The following ABCC9 variants were observed in gnomAD, a reference collection of about 807,000 sequenced individuals.
ABCC9 encodes the protein ATP-binding cassette sub-family C member 9.
Under a neutral mutation model 188.3 loss-of-function variants are expected in ABCC9, and 95 were observed. That is an observed-to-expected ratio of 0.50 (90% CI 0.43 to 0.60). The LOEUF is 0.60. Ranked by LOEUF, ABCC9 falls within the 20% of genes least tolerant of loss-of-function variation. The probability of loss-of-function intolerance (pLI) is 0.00; values close to 1 mark genes in which losing one functional copy is unlikely to be tolerated. For missense variants in ABCC9, 1,102 were observed against 1,876.3 expected, an observed-to-expected ratio of 0.59 and a Z score of 7.62; for synonymous variants, 659 against 652.7, an observed-to-expected ratio of 1.01 and a Z score of -0.15.
intron 15 of ABCC9, 118 bp downstream of exon 15, chr12:21,887,708 C>T: frequency 5.4e-6 from 4 of 738,728 alleles, no homozygotes. Context: ...CGTGATTTTT[C>T]TTCACATGGG....
Position 21,798,810 on chromosome 12 carries a change from C to G in ABCC9, c.*2234G>C, listed in dbSNP as rs1456676100. The G allele has an allele frequency of 6.9e-6, 1 of 144,878 alleles. No homozygotes were observed. Among genetic ancestry groups the G allele is most frequent in the Non-Finnish European group, 1.5e-5 (1 of 65,874 alleles). The allele number at this position is 144,878 out of a possible 1,614,324, so 9.0% of individuals were successfully genotyped here. On this transcript the variant is annotated 3_prime_UTR_variant, in exon 40 of 40. Transcript: ENST00000261200. ...GACACATGCACACGTATGTTTATTG[C>G]GGCATTATTCACAATAGCAAAGACT...
intron 15 of ABCC9, among the ~76,000 whole-genome samples, chr12:21,883,806 T>A (rs1946746801): frequency 1.3e-5 from 2 of 152,142 alleles, no homozygotes; most frequent in Non-Finnish European, 2.9e-5. Flanking sequence ...ATCTCAAATG[T>A]TATAGCCCTA....
intron 24 of ABCC9, among the ~76,000 whole-genome samples, chr12:21,849,188 A>G (rs1408123327): frequency 4.6e-5 from 7 of 152,152 alleles, no homozygotes; most frequent in African/African-American, 1.7e-4. Flanking sequence ...CAAAGAAAAA[A>G]AAACCTACAC....
intron 28 of ABCC9, among the ~76,000 whole-genome samples, chr12:21,843,616 T>C (rs954198979): frequency 6.6e-6 from 1 of 152,226 alleles, no homozygotes; most frequent in Non-Finnish European, 1.5e-5. Flanking sequence ...CTTATGTAGA[T>C]ACTCTGCTGA....
intron 17 of ABCC9, 129 bp downstream of exon 17, chr12:21,875,525 A>C (rs1024758961): frequency 1.4e-6 from 1 of 692,602 alleles, no homozygotes; most frequent in Non-Finnish European, 2.5e-6. Context: ...CAAGCACAAT[A>C]GTGCAAATAG....
chr12:21,833,993 A>C (rs1196504554), intron 30 of ABCC9, among the ~76,000 whole-genome samples: 2 of 152,166 alleles, frequency 1.3e-5, no homozygotes, highest in Non-Finnish European at 2.9e-5. Flanking sequence ...TCTTTCAAAA[A>C]GTAGTTTTTC....
chr12:21,856,159 ATT>A (rs752325045), intron 22 of ABCC9, among the ~76,000 whole-genome samples: 36 of 152,062 alleles, frequency 2.4e-4, no homozygotes, highest in Non-Finnish European at 4.1e-4. Flanking sequence ...GGGATTTGTG[ATT>A]TTTTTTGTCA....
intron 3 of ABCC9, among the ~76,000 whole-genome samples, chr12:21,936,185 C>T (rs1246139179): frequency 6.6e-6 from 1 of 152,104 alleles, no homozygotes; most frequent in South Asian, 2.1e-4. Flanking sequence ...TGGACTATTC[C>T]CTGAAGGCAA....
chr12:21,915,035 G>C (rs905070401), intron 7 of ABCC9, among the ~76,000 whole-genome samples: 11 of 151,572 alleles, frequency 7.3e-5, no homozygotes, highest in African/African-American at 2.7e-4. Context: ...CAAGTAGCTG[G>C]GATTACAGGC....
At position 21,913,083 on chromosome 12, in the gene ABCC9, G is replaced by C; in HGVS notation, c.817-17C>G. Reference sequence around the variant, plus strand: ...AACTTTTTTCTGAAGAAAAAAAAAAGAAAAAAAAAACAGATGTAACAAAAT... The same window carrying C: ...AACTTTTTTCTGAAGAAAAAAAAAACAAAAAAAAAACAGATGTAACAAAAT... On this transcript the variant is annotated splice_polypyrimidine_tract_variant and intron_variant, in intron 7 of 39. Transcript: ENST00000261200. The C allele has an allele frequency of 1.5e-6, 2 of 1,328,138 alleles. No individual in the cohort carries two copies. The highest frequency in any genetic ancestry group is 2.0e-6 in the Non-Finnish European group (2 of 981,470). 82.3% of individuals were successfully genotyped at this position (1,328,138 alleles called of 1,614,324 possible). A position where few individuals can be genotyped will look rare whatever the true frequency, so the allele number is the denominator to read the frequency against.
chr12:21,905,496 C>T (rs1015692700), intron 12 of ABCC9, among the ~76,000 whole-genome samples: 5 of 151,434 alleles, frequency 3.3e-5, no homozygotes, highest in Non-Finnish European at 1.5e-5. Context: ...ATGGAAACAC[C>T]ACTACTAAAA....
At chr12:21,843,683 C>A (rs774751729) in intron 28 of ABCC9, among the ~76,000 whole-genome samples, 2 of 152,132 alleles carry the variant, frequency 1.3e-5, no homozygotes, top group Non-Finnish European at 1.5e-5. Flanking sequence ...ACAATCATGT[C>A]ATCTTCTAAA....
At chr12:21,893,870 G>T (rs1034640671) in intron 14 of ABCC9, among the ~76,000 whole-genome samples, 162 bp downstream of exon 14, 9 of 152,074 alleles carry the variant, frequency 5.9e-5, no homozygotes, top group Admixed American at 4.6e-4. Flanking sequence ...ATTTTTACAT[G>T]AAATAAATAA....
chr12:21,869,065 C>A (rs1372195794), intron 18 of ABCC9, among the ~76,000 whole-genome samples: 1 of 152,070 alleles, frequency 6.6e-6, no homozygotes, highest in Non-Finnish European at 1.5e-5. Flanking sequence ...TTAACTTATT[C>A]AATCTATTAG....
intron 39 of ABCC9, chr12:21,805,262 T>A: frequency 6.2e-7 from 1 of 1,613,670 alleles, no homozygotes; most frequent in Non-Finnish European, 8.5e-7. Context: ...TAAAATACCC[T>A]CAGAAAAGAC....
intron 20 of ABCC9, among the ~76,000 whole-genome samples, chr12:21,862,206 G>T (rs1451784590): frequency 4.0e-5 from 6 of 151,766 alleles, no homozygotes; most frequent in Non-Finnish European, 8.8e-5. Flanking sequence ...ACTCCTAAAT[G>T]TCTCCATATA....
chr12:21,875,598 A>G, intron 17 of ABCC9, 56 bp downstream of exon 17: 1 of 1,295,106 alleles, frequency 7.7e-7, no homozygotes, highest in Non-Finnish European at 1.1e-6. Context: ...ATTATCTTGG[A>G]AAACTATGGT....
chr12:21,912,962 A>T lies in ABCC9; in HGVS notation c.921T>A (p.Ala307=). The change falls in exon 8 of 40, where the codon GCT becomes GCA. Residue 307 remains alanine, a synonymous_variant. Transcript: ENST00000261200. ...GAGGTCCAGCAAAACCCAGTAAATC[A>T]GCCAGATAGCGGAATGTGCTACTAA... ...ILLSSTFRYL[A]DLLGFAGPLC... The T allele has an allele frequency of 6.2e-7, 1 of 1,613,748 alleles. No individual in the cohort carries two copies. Among genetic ancestry groups the T allele is most frequent in the Non-Finnish European group, 8.5e-7 (1 of 1,179,760 alleles).
intron 30 of ABCC9, among the ~76,000 whole-genome samples, chr12:21,829,408 A>G (rs374518217): frequency 9.2e-5 from 14 of 151,974 alleles, no homozygotes; most frequent in Admixed American, 5.9e-4. Flanking sequence ...TCACCGTGTT[A>G]GCCAGGATGG....
Sources: allele counts gnomAD v4.1 joint callset (sites outside exome capture counted in the v4.1 genomes callset), GRCh38; gene constraint gnomAD v4.1.1; transcripts MANE v1.5; gene names NCBI Gene and HGNC (gene_info 2026-07-23, HGNC 2026-07-21).